The following PRSS12 variants were observed in gnomAD, a reference collection of about 807,000 sequenced individuals.
PRSS12 encodes serine protease 12.
Under a neutral mutation model 104.4 loss-of-function variants are expected in PRSS12, and 85 were observed. The observed-to-expected ratio is 0.81, with a 90% CI of 0.68 to 0.98. The LOEUF (loss-of-function observed/expected upper bound fraction) is 0.98. Among genes scored for constraint, PRSS12 ranks in the 50% least tolerant of loss-of-function variants. The pLI is 0.00. For synonymous variants in PRSS12, 454 were observed against 425.2 expected, an observed-to-expected ratio of 1.07 and a Z score of -0.83; for missense variants, 1,141 against 1,139.2, an observed-to-expected ratio of 1.00 and a Z score of -0.02.
intron 6 of PRSS12, among the ~76,000 whole-genome samples, chr4:118,314,536 A>T (rs1348666203): frequency 2.0e-5 from 3 of 152,130 alleles, no homozygotes; most frequent in Non-Finnish European, 2.9e-5. Context: ...TAGCAACTAC[A>T]CAACAGATAA....
In PRSS12 at chr4:118,338,098, T is replaced by G. The variant is rs545608218; in HGVS notation, c.641+78A>C. The G allele has an allele frequency of 5.5e-5, 86 of 1,568,196 alleles. No homozygotes were observed. In the African/African-American group the frequency reaches 1.1e-3, roughly 20 times the overall value. ...GACAGTAAGAAACAAAGATACAAGC[T>G]TTACAAAGCAATGACGGGCACCCAG... On this transcript the variant is annotated intron_variant, in intron 2 of 12. Transcript: ENST00000296498.
At position 118,289,335 on chromosome 4, in the gene PRSS12, T is replaced by C. The variant is rs139514972; in HGVS notation, c.2039+5604A>G. On this transcript the variant is annotated intron_variant, in intron 11 of 12. Coordinates refer to ENST00000296498, the MANE Select transcript of PRSS12 (RefSeq NM_003619.4). ...CATTGGCCTACATCACTGCAAGAAT[T>C]AGGTACCAAGGAAGCTCTGATGAAC... Among the ~76,000 whole-genome samples, 413 of 152,310 alleles carry C rather than the reference T, an allele frequency of 2.7e-3. 1 individual carries two copies. Among genetic ancestry groups the C allele is most frequent in the Non-Finnish European group, 5.1e-3 (344 of 68,004 alleles).
At chr4:118,333,379 A>AT (rs1209029176) in intron 3 of PRSS12, among the ~76,000 whole-genome samples, 1 of 152,224 alleles carries the variant, frequency 6.6e-6, no homozygotes, top group East Asian at 1.9e-4. Context: ...TTCAAATATC[A>AT]TATTTGAGTT....
intron 8 of PRSS12, among the ~76,000 whole-genome samples, chr4:118,300,577 T>C (rs1313603004): frequency 2.0e-5 from 3 of 152,126 alleles, no homozygotes; most frequent in Non-Finnish European, 2.9e-5. Flanking sequence ...AGATGAATTA[T>C]TGGAAAACTA....
At chr4:118,303,831 A>G (rs1345311614) in intron 8 of PRSS12, 1 of 152,036 alleles carries the variant, frequency 6.6e-6, no homozygotes, top group Non-Finnish European at 1.5e-5. Context: ...CATATCTTGC[A>G]CTCACTCCAA....
intron 7 of PRSS12, 39 bp from the exon 8 acceptor site, chr4:118,308,616 T>G (rs373065673): frequency 1.9e-6 from 3 of 1,605,168 alleles, no homozygotes; most frequent in East Asian, 4.5e-5. Flanking sequence ...AGCCCAAACA[T>G]GCAAACTGAT....
At chr4:118,344,802 CAA>C (rs1278364146) in intron 1 of PRSS12, among the ~76,000 whole-genome samples, 3 of 151,838 alleles carry the variant, frequency 2.0e-5, no homozygotes, top group Non-Finnish European at 4.4e-5. Flanking sequence ...TGATATCAAA[CAA>C]AAAAAGATGA....
In PRSS12 at chr4:118,352,622, G is replaced by C. The variant is rs1275675384; in HGVS notation, c.99C>G (p.His33Gln). The C allele has an allele frequency of 1.2e-6, 2 of 1,611,690 alleles. No homozygotes were observed. Among genetic ancestry groups the C allele is most frequent in the East Asian group, 2.2e-5 (1 of 44,796 alleles). Residue 33 changes from histidine (H) to glutamine (Q), a missense_variant, in exon 1 of 13, where the codon CAC (histidine) becomes CAG (glutamine). By Grantham distance (24) the His-to-Gln change is conservative. Coordinates refer to ENST00000296498, the MANE Select transcript of PRSS12 (RefSeq NM_003619.4). ...SVLNDSLHHS[H>Q]RHSPPAGPHY... is the part of the protein sequence containing the mutation. ...GCGGACCCGCAGGGGGCGAATGGCG[G>C]TGGCTGTGGTGGAGGGAATCATTGA...
chr4:118,300,972 C>T (rs181588126), intron 8 of PRSS12, among the ~76,000 whole-genome samples: 1 of 152,138 alleles, frequency 6.6e-6, no homozygotes, highest in East Asian at 1.9e-4. Flanking sequence ...TATCCTTATA[C>T]ATAAATCTTT....
At chr4:118,300,347 T>C (rs1743377263) in intron 8 of PRSS12, among the ~76,000 whole-genome samples, 1 of 151,868 alleles carries the variant, frequency 6.6e-6, no homozygotes, top group South Asian at 2.1e-4. Context: ...CAGAGAAAAA[T>C]AGGAATCATG....
At chr4:118,339,274 A>G (rs1417703794) in intron 1 of PRSS12, among the ~76,000 whole-genome samples, 2 of 152,188 alleles carry the variant, frequency 1.3e-5, no homozygotes, top group Non-Finnish European at 2.9e-5. Flanking sequence ...AAAATCACCT[A>G]CAATGGCCTT....
chr4:118,297,962 C>T (rs918767301), intron 9 of PRSS12, among the ~76,000 whole-genome samples: 2 of 151,716 alleles, frequency 1.3e-5, no homozygotes, highest in Non-Finnish European at 2.9e-5. Context: ...ACACGTGAAA[C>T]CCCCGTCTCT....
At chr4:118,339,340 C>T (rs1354068492) in intron 1 of PRSS12, among the ~76,000 whole-genome samples, 1 of 152,164 alleles carries the variant, frequency 6.6e-6, no homozygotes, top group African/African-American at 2.4e-5. Flanking sequence ...CCCAAAAAAT[C>T]TAGCATAATT....
rs906740641 is a variant in PRSS12 at position 118,316,198 on chromosome 4, G to A, written c.1276C>T (p.Arg426Ter). 8 of 1,613,564 alleles carry A rather than the reference G, an allele frequency of 5.0e-6. No homozygotes were observed. Among genetic ancestry groups the A allele is most frequent in the Non-Finnish European group, 5.9e-6 (7 of 1,179,914 alleles). Residue 426 changes from arginine to a stop codon, truncating the protein, a stop_gained, in exon 6 of 13, where the codon CGA becomes TGA. Transcript: ENST00000296498. LOFTEE classifies it high-confidence loss of function. ...WTELNTYVVC[R>*]QLGFKYGKQA... Reference sequence around the variant, plus strand: ...GAACCTTACTTAAATCCCAATTGTCGACAAACCACGTATGTATTCAGCTCA... The same window carrying A: ...GAACCTTACTTAAATCCCAATTGTCAACAAACCACGTATGTATTCAGCTCA...
rs936442980 is a variant in PRSS12 at position 118,281,372 on chromosome 4, A to G, written c.*564T>C. The G allele has an allele frequency of 6.9e-5, 11 of 159,216 alleles. No homozygotes were observed. In the South Asian group the frequency reaches 1.7e-3, roughly 25 times the overall value. 9.9% of individuals were successfully genotyped at this position (159,216 alleles called of 1,614,324 possible). A position where few individuals can be genotyped will look rare whatever the true frequency, so the allele number is the denominator to read the frequency against. On this transcript the variant is annotated 3_prime_UTR_variant, in exon 13 of 13. Coordinates refer to ENST00000296498, the MANE Select transcript of PRSS12 (RefSeq NM_003619.4). ...ACTTTGAGAATATATTGTGACAGGC[A>G]GATGTCCTTGAGGCTTTACTACTCC...
At position 118,316,180 on chromosome 4, in the gene PRSS12, A is replaced by G. The variant is rs1743902334; in HGVS notation, c.1292+2T>C. On this transcript the variant is annotated splice_donor_variant, in intron 6 of 12. Coordinates refer to ENST00000296498, the MANE Select transcript of PRSS12 (RefSeq NM_003619.4). LOFTEE classifies it high-confidence loss of function. The stretch of plus-strand genomic sequence containing the variant: ...ACTGCCTTTATAATTAATGAACCTT[A>G]CTTAAATCCCAATTGTCGACAAACC... 2 of 1,614,016 alleles carry G rather than the reference A, an allele frequency of 1.2e-6. No homozygotes were observed. The highest frequency in any genetic ancestry group is 1.6e-4 in the Middle Eastern group (1 of 6,062).
intron 4 of PRSS12, among the ~76,000 whole-genome samples, chr4:118,324,727 G>GT (rs929458679): frequency 6.6e-6 from 1 of 151,984 alleles, no homozygotes; most frequent in African/African-American, 2.4e-5. Context: ...TTTTGCTTTT[G>GT]TTTTTTGAAG....
At chr4:118,308,657 A>C in intron 7 of PRSS12, 80 bp from the exon 8 acceptor site, 3 of 1,541,488 alleles carry the variant, frequency 1.9e-6, no homozygotes, top group Non-Finnish European at 2.7e-6. Flanking sequence ...ACAAAACACA[A>C]TTGTTCTTTT....
chr4:118,297,397 T>C (rs1460603101), intron 9 of PRSS12, among the ~76,000 whole-genome samples: 1 of 152,182 alleles, frequency 6.6e-6, no homozygotes, highest in East Asian at 1.9e-4. Flanking sequence ...ATCCCATTTG[T>C]AATGGTAATT....
Sources: allele counts gnomAD v4.1 joint callset (sites outside exome capture counted in the v4.1 genomes callset), GRCh38; gene constraint gnomAD v4.1.1; transcripts MANE v1.5; gene names NCBI Gene and HGNC (gene_info 2026-07-23, HGNC 2026-07-21).